Variants in ARHGEF33 observed in about 807,000 individuals in gnomAD.
ARHGEF33 encodes the protein DH and coiled-coil domain-containing protein ENSP00000381780.
ARHGEF33 carries 72 observed loss-of-function variants against 101.9 expected under a neutral mutation model. That is an observed-to-expected ratio of 0.71 (90% CI 0.58 to 0.86). The LOEUF is 0.86. Ranked by LOEUF, ARHGEF33 falls within the 40% of genes least tolerant of loss-of-function variation. ARHGEF33 has a pLI of 0.00. For missense variants in ARHGEF33, 1,169 were observed against 1,111.3 expected, an observed-to-expected ratio of 1.05 and a Z score of -0.74; for synonymous variants, 499 against 442.5, an observed-to-expected ratio of 1.13 and a Z score of -1.60.
chr2:38,940,599 C>G (rs1191241873), intron 9 of ARHGEF33, among the ~76,000 whole-genome samples: 1 of 152,078 alleles, frequency 6.6e-6, no homozygotes, highest in African/African-American at 2.4e-5. Flanking sequence ...TCTTCTGTAT[C>G]CTTGGTTTCT....
At chr2:38,923,072 T>C (rs1338264279) in intron 4 of ARHGEF33, among the ~76,000 whole-genome samples, 1 of 152,212 alleles carries the variant, frequency 6.6e-6, no homozygotes, top group Non-Finnish European at 1.5e-5. Context: ...AAGTCTATTA[T>C]AGATTTTATG....
In ARHGEF33 at chr2:38,960,203, C is replaced by G; in HGVS notation, c.1898C>G (p.Pro633Arg). 4 of 1,545,406 alleles carry G rather than the reference C, an allele frequency of 2.6e-6. No homozygotes were observed. The highest frequency in any genetic ancestry group is 3.5e-6 in the Non-Finnish European group (4 of 1,144,520). Reference protein sequence around the residue: ...FALPAPYDEEPFQAPALFENC... With the variant: ...FALPAPYDEERFQAPALFENC... ...CTGCCCGCGCCCTACGACGAGGAGC[C>G]GTTCCAGGCTCCGGCCCTCTTCGAG... is the stretch of plus-strand genomic sequence containing the variant. The change falls in exon 16 of 18, where the codon CCG (proline) becomes CGG (arginine). Residue 633 changes from proline to arginine, a missense_variant. By Grantham distance (103) the Pro-to-Arg change is moderately radical. Transcript: ENST00000409978.
chr2:38,926,016 A>G (rs1398698204), intron 4 of ARHGEF33, among the ~76,000 whole-genome samples: 1 of 152,194 alleles, frequency 6.6e-6, no homozygotes, highest in Non-Finnish European at 1.5e-5. Flanking sequence ...AGAAGCCAAG[A>G]AAAGAAAGAA....
chr2:38,932,229 T>A (rs1667023523), intron 7 of ARHGEF33, among the ~76,000 whole-genome samples: 1 of 152,072 alleles, frequency 6.6e-6, no homozygotes, highest in Non-Finnish European at 1.5e-5. Context: ...TTCAAGTGAT[T>A]CTCCCACCTT....
chr2:38,962,217 GT>G (rs993064113), intron 16 of ARHGEF33, among the ~76,000 whole-genome samples: 31 of 152,184 alleles, frequency 2.0e-4, no homozygotes, highest in Non-Finnish European at 5.9e-5. Context: ...GAGTTTAGAA[GT>G]TTATTGAAAG....
In ARHGEF33 at chr2:38,940,944, G is replaced by T. The variant is rs931767051; in HGVS notation, c.791-2957G>T. Among the ~76,000 whole-genome samples, 3 of 152,162 alleles carry T rather than the reference G, an allele frequency of 2.0e-5. 1 individual carries two copies. In the East Asian group the frequency reaches 5.8e-4, roughly 29 times the overall value. ...GGCCACAGGACTAGTTGAGTCATGG[G>T]TGTAGGTCCAGGTGGAGTCAGTCAG... On this transcript the variant is annotated intron_variant, in intron 9 of 17. Coordinates refer to ENST00000409978, the MANE Select transcript of ARHGEF33 (RefSeq NM_001145451.5).
At chr2:38,900,897 G>T (rs931586114) in intron 2 of ARHGEF33, among the ~76,000 whole-genome samples, 7 of 152,116 alleles carry the variant, frequency 4.6e-5, no homozygotes, top group Non-Finnish European at 1.0e-4. Flanking sequence ...GGAAGAGGAG[G>T]CTCCCGAGAG....
Position 38,960,407 on chromosome 2 carries a change from A to G in ARHGEF33, c.2102A>G (p.Lys701Arg). The G allele has an allele frequency of 4.6e-6, 7 of 1,511,626 alleles. No homozygotes were observed. The highest frequency in any genetic ancestry group is 6.2e-6 in the Non-Finnish European group (7 of 1,136,258). The allele number at this position is 1,511,626 out of a possible 1,614,324, so 93.6% of individuals were successfully genotyped here. A position where few individuals can be genotyped will look rare whatever the true frequency, so the allele number is the denominator to read the frequency against. Residue 701 changes from lysine to arginine, a missense_variant, in exon 16 of 18, where the codon AAG becomes AGG. Coordinates refer to ENST00000409978, the MANE Select transcript of ARHGEF33 (RefSeq NM_001145451.5). Reference protein sequence around the residue: ...KLEAAAQAHGKAKPLSRSLKE... With the variant: ...KLEAAAQAHGRAKPLSRSLKE... ...GAGGCGGCGGCGCAGGCGCACGGCAAGGCCAAGCCGCTGAGCCGCTCTCTC... is the reference window on the plus strand; with the variant it reads ...GAGGCGGCGGCGCAGGCGCACGGCAGGGCCAAGCCGCTGAGCCGCTCTCTC...
Position 38,960,452 on chromosome 2 carries a change from C to A in ARHGEF33, c.2147C>A (p.Pro716Gln), listed in dbSNP as rs1276000811. ...TCTCTCAAAGAGTTCCCGCGTGCGC[C>A]GCCAGCCGACGGCGTGGCCCCACGC... The part of the protein sequence containing the change: ...SRSLKEFPRA[P>Q]PADGVAPRLY... The change falls in exon 16 of 18, where the codon CCG (proline) becomes CAG (glutamine). Residue 716 changes from proline (P) to glutamine (Q), a missense_variant. By Grantham distance (76) the Pro-to-Gln change is moderately conservative. Transcript: ENST00000409978. 2 of 1,493,668 alleles carry A rather than the reference C, an allele frequency of 1.3e-6. No homozygotes were observed. The highest frequency in any genetic ancestry group is 4.3e-5 in the Admixed American group (2 of 46,642). 92.5% of individuals were successfully genotyped at this position (1,493,668 alleles called of 1,614,324 possible).
intron 16 of ARHGEF33, 121 bp downstream of exon 16, chr2:38,960,769 G>A: frequency 1.2e-6 from 1 of 850,118 alleles, no homozygotes; most frequent in Non-Finnish European, 1.5e-6. Context: ...GGGGGCGGCT[G>A]CGCGAGCCGT....
At chr2:38,966,453 C>G (rs1289881374) in intron 17 of ARHGEF33, among the ~76,000 whole-genome samples, 1 of 152,154 alleles carries the variant, frequency 6.6e-6, no homozygotes, top group Non-Finnish European at 1.5e-5. Flanking sequence ...TGGTGACAGT[C>G]AAAGCCCTTT....
chr2:38,907,677 G>A lies in ARHGEF33; in HGVS notation c.-85-11686G>A, dbSNP rs140279540. On this transcript the variant is annotated intron_variant, in intron 2 of 17. Coordinates refer to ENST00000409978, the MANE Select transcript of ARHGEF33 (RefSeq NM_001145451.5). Reference sequence around the variant, plus strand: ...TCTAGGACTGGAGGGAGTTGTCTCTGGAGCTCAGGGTTCTTTCCCTCCAGC... The same window carrying A: ...TCTAGGACTGGAGGGAGTTGTCTCTAGAGCTCAGGGTTCTTTCCCTCCAGC... Among the ~76,000 whole-genome samples the A allele has an allele frequency of 3.3e-5, 5 of 152,246 alleles. No homozygotes were observed. The East Asian group carries it at 9.7e-4, about 29-fold the overall frequency.
intron 1 of ARHGEF33, among the ~76,000 whole-genome samples, chr2:38,891,383 C>G (rs971728474): frequency 6.6e-6 from 1 of 151,644 alleles, no homozygotes; most frequent in Non-Finnish European, 1.5e-5. Flanking sequence ...CTCTCCTTTC[C>G]TCCCTTCCTC....
chr2:38,895,674 A>G (rs995917695), intron 1 of ARHGEF33, 103 bp from the exon 2 acceptor site: 103 of 152,180 alleles, frequency 6.8e-4, no homozygotes, highest in African/African-American at 2.3e-3. Flanking sequence ...TGAATTGCAT[A>G]TATAATAAGA....
chr2:38,890,665 A>T (rs555286384), intron 1 of ARHGEF33, among the ~76,000 whole-genome samples: 1 of 152,356 alleles, frequency 6.6e-6, no homozygotes, highest in Admixed American at 6.5e-5. Flanking sequence ...ATGCTGAAAT[A>T]GTATTCTGAA....
intron 16 of ARHGEF33, 38 bp downstream of exon 16, chr2:38,960,686 GC>G: frequency 5.3e-6 from 7 of 1,326,542 alleles, no homozygotes; most frequent in East Asian, 8.9e-5. Flanking sequence ...AGCGTCGACG[GC>G]CCCAGGCCTA....
In ARHGEF33 at chr2:38,962,804, G is replaced by A. The variant is rs186949565; in HGVS notation, c.2343+2156G>A. On this transcript the variant is annotated intron_variant, in intron 16 of 17. Coordinates refer to ENST00000409978, the MANE Select transcript of ARHGEF33 (RefSeq NM_001145451.5). Reference sequence around the variant, plus strand: ...CCGAGGTGGGCGGATCATGAGGTCAGGAGATCAAGACCATCCTGGTCAACA... The same window carrying A: ...CCGAGGTGGGCGGATCATGAGGTCAAGAGATCAAGACCATCCTGGTCAACA... Among the ~76,000 whole-genome samples the A allele has an allele frequency of 3.6e-3, 469 of 129,324 alleles. No individual in the cohort carries two copies. Among genetic ancestry groups the A allele is most frequent in the Admixed American group, 6.3e-3 (60 of 9,560 alleles). 84.8% of individuals were successfully genotyped at this position (129,324 alleles called of 152,430 possible).
In ARHGEF33 at chr2:38,971,733, A is replaced by G. The variant is rs1400996898; in HGVS notation, c.2484-1981A>G. The G allele has an allele frequency of 1.9e-5, 13 of 686,896 alleles. No individual in the cohort carries two copies. The East Asian group carries it at 3.2e-4, about 17-fold the overall frequency. The allele number at this position is 686,896 out of a possible 1,614,324, so 42.6% of individuals were successfully genotyped here. A position where few individuals can be genotyped will look rare whatever the true frequency, so the allele number is the denominator to read the frequency against. ...GAGCAATTTAGCTGTTAGTTTAATTAATATCAAGAAATGCAGAGAAATTCA... is the reference window on the plus strand; with the variant it reads ...GAGCAATTTAGCTGTTAGTTTAATTGATATCAAGAAATGCAGAGAAATTCA... On this transcript the variant is annotated intron_variant, in intron 17 of 17. Transcript: ENST00000409978.
At chr2:38,908,457 C>T (rs1666441346) in intron 2 of ARHGEF33, among the ~76,000 whole-genome samples, 1 of 152,186 alleles carries the variant, frequency 6.6e-6, no homozygotes, top group Non-Finnish European at 1.5e-5. Flanking sequence ...TAAAATATCT[C>T]TGGCCAGTGG....
Sources: gnomAD v4.1 joint callset for allele counts (sites outside exome capture counted in the v4.1 genomes callset) on GRCh38, gnomAD v4.1.1 for gene constraint, MANE v1.5 for transcripts, NCBI Gene and HGNC (gene_info 2026-07-23, HGNC 2026-07-21) for gene names.